IL1RAPL1: variants seen among roughly 807,000 people sequenced by gnomAD.
IL1RAPL1 encodes the protein interleukin-1 receptor accessory protein-like 1.
In IL1RAPL1, 3 loss-of-function variants were observed where a neutral mutation model predicts 48.4. The ratio of observed to expected loss-of-function variants is 0.06; its 90% CI spans 0.03 to 0.16. The LOEUF (loss-of-function observed/expected upper bound fraction) is 0.16, where lower values mean the gene tolerates loss of function less well. IL1RAPL1 is among the 10% of genes least tolerant of loss of function. IL1RAPL1 has a pLI of 1.00. For synonymous variants in IL1RAPL1, 185 were observed against 187.7 expected (o/e 0.99, Z 0.12); for missense variants, 349 against 530.6 (o/e 0.66, Z 3.36).
intron 3 of IL1RAPL1, among the ~76,000 whole-genome samples, chrX:29,383,907 A>G (rs188314665): frequency 1.8e-5 from 2 of 112,436 alleles, no homozygotes; most frequent in East Asian, 5.6e-4. Flanking sequence ...CTTTAGATAC[A>G]TAAATAAGAG....
chrX:29,771,135 GA>G (rs1398662196), intron 6 of IL1RAPL1, among the ~76,000 whole-genome samples: 1 of 111,967 alleles, frequency 8.9e-6, no homozygotes, highest in Non-Finnish European at 1.9e-5. Context: ...TTTGAAGCAG[GA>G]GACTCTATAA....
intron 5 of IL1RAPL1, among the ~76,000 whole-genome samples, chrX:29,539,276 T>C (rs1921352449): frequency 8.9e-6 from 1 of 111,855 alleles, no homozygotes; most frequent in African/African-American, 3.3e-5. Flanking sequence ...TCAATAAATG[T>C]GACTCACTCA....
At chrX:29,439,323 A>G (rs757545998) in intron 5 of IL1RAPL1, among the ~76,000 whole-genome samples, 1 of 111,519 alleles carries the variant, frequency 9.0e-6, no homozygotes, top group Admixed American at 9.5e-5. Context: ...TGTTCTTTTC[A>G]TGGGAAAGGA....
intron 2 of IL1RAPL1, among the ~76,000 whole-genome samples, chrX:28,897,878 A>C (rs1922970978): frequency 9.0e-6 from 1 of 111,137 alleles, no homozygotes; most frequent in Admixed American, 9.5e-5. Flanking sequence ...AATTACAGTC[A>C]AAGGGGAGTT....
intron 5 of IL1RAPL1, among the ~76,000 whole-genome samples, chrX:29,633,687 A>G (rs146489858): frequency 0.024 from 2,700 of 111,286 alleles, 87 homozygotes; most frequent in African/African-American, 0.085. Context: ...AGGCTTGTGG[A>G]GAGAATCTGT....
intron 3 of IL1RAPL1, among the ~76,000 whole-genome samples, chrX:29,374,851 A>G (rs1933600014): frequency 9.0e-6 from 1 of 111,052 alleles, no homozygotes; most frequent in Non-Finnish European, 1.9e-5. Context: ...AAAGGGAATG[A>G]GCCCAGAGGA....
chrX:29,874,971 A>G (rs993472050), intron 6 of IL1RAPL1, among the ~76,000 whole-genome samples: 7 of 112,079 alleles, frequency 6.2e-5, no homozygotes, highest in Non-Finnish European at 1.1e-4. Flanking sequence ...AAAGAATGCA[A>G]TTTTAAGGTT....
intron 2 of IL1RAPL1, among the ~76,000 whole-genome samples, chrX:28,947,851 A>G (rs1924349229): frequency 8.9e-6 from 1 of 111,930 alleles, no homozygotes; most frequent in Non-Finnish European, 1.9e-5. Context: ...TTTGGTGCTC[A>G]CTGAAAGCTT....
chrX:29,931,907 T>C (rs892651808), intron 8 of IL1RAPL1, among the ~76,000 whole-genome samples: 3 of 112,732 alleles, frequency 2.7e-5, no homozygotes, highest in African/African-American at 9.6e-5. Flanking sequence ...ATTCCATCTG[T>C]GCCTGTCTGT....
intron 2 of IL1RAPL1, among the ~76,000 whole-genome samples, chrX:29,027,660 T>G (rs1926515845): frequency 9.0e-6 from 1 of 111,681 alleles, no homozygotes. Context: ...CACCAGCAAT[T>G]AATTAGAGTT....
chrX:28,880,064 G>A (rs1922467236), intron 2 of IL1RAPL1, among the ~76,000 whole-genome samples: 1 of 112,099 alleles, frequency 8.9e-6, no homozygotes, highest in Non-Finnish European at 1.9e-5. Context: ...TCTGCTAACA[G>A]ACATGTACAG....
intron 6 of IL1RAPL1, among the ~76,000 whole-genome samples, chrX:29,845,226 A>G (rs185683088): frequency 2.9e-4 from 32 of 111,800 alleles, no homozygotes; most frequent in Admixed American, 6.7e-4. Flanking sequence ...AACAAGCCAT[A>G]CAGATACTGA....
At chrX:29,928,264 AT>A (rs768393823) in intron 8 of IL1RAPL1, among the ~76,000 whole-genome samples, 92 of 112,118 alleles carry the variant, frequency 8.2e-4, no homozygotes, top group African/African-American at 2.9e-3. Flanking sequence ...TGTAGAAAAA[AT>A]AATTAAGTTT....
intron 10 of IL1RAPL1, 139 bp downstream of exon 10, chrX:29,954,831 G>A: frequency 1.8e-6 from 1 of 568,752 alleles, no homozygotes; most frequent in Non-Finnish European, 2.9e-6. Context: ...AAACGTCTTT[G>A]TGTGTTCACA....
chrX:29,648,528 C>T (rs1173339851), intron 5 of IL1RAPL1, among the ~76,000 whole-genome samples: 1 of 110,409 alleles, frequency 9.1e-6, no homozygotes, highest in Non-Finnish European at 1.9e-5. Flanking sequence ...AACAACATGC[C>T]CCTGAACAAG....
intron 6 of IL1RAPL1, among the ~76,000 whole-genome samples, chrX:29,771,513 A>G (rs1030022224): frequency 8.9e-6 from 1 of 112,162 alleles, no homozygotes; most frequent in African/African-American, 3.2e-5. Flanking sequence ...CATTTTTCAC[A>G]TGTTCTTCAG....
chrX:29,881,911 C>G (rs1369410554), intron 6 of IL1RAPL1, among the ~76,000 whole-genome samples: 1 of 111,406 alleles, frequency 9.0e-6, no homozygotes, highest in Non-Finnish European at 1.9e-5. Context: ...GTAGTTGGAA[C>G]CTCATGATCC....
chrX:29,799,076 G>T (rs1398491816), intron 6 of IL1RAPL1, among the ~76,000 whole-genome samples: 1 of 111,977 alleles, frequency 8.9e-6, no homozygotes, highest in Non-Finnish European at 1.9e-5. Context: ...ACAATAAAAA[G>T]CTTACTCTGT....
chrX:29,579,661 A>AT (rs1038075822), intron 5 of IL1RAPL1, among the ~76,000 whole-genome samples: 1 of 112,058 alleles, frequency 8.9e-6, no homozygotes, highest in African/African-American at 3.2e-5. Context: ...TGACTCCTTC[A>AT]TGAACTTTTG....
Sources: gnomAD v4.1 joint callset for allele counts (sites outside exome capture counted in the v4.1 genomes callset) on GRCh38, gnomAD v4.1.1 for gene constraint, MANE v1.5 for transcripts, NCBI Gene and HGNC (gene_info 2026-07-23, HGNC 2026-07-21) for gene names.